The following NFATC2 variants were observed in gnomAD, a reference collection of about 807,000 sequenced individuals.
NFATC2 encodes nuclear factor of activated T-cells, cytoplasmic 2.
In NFATC2, 22 loss-of-function variants were observed where a neutral mutation model predicts 87.3. That is an observed-to-expected ratio of 0.25 (90% CI 0.18 to 0.36). NFATC2 has a LOEUF of 0.36. Ranked by LOEUF, NFATC2 falls within the 10% of genes least tolerant of loss-of-function variation. The probability of loss-of-function intolerance (pLI) is 1.00; values close to 1 mark genes in which losing one functional copy is unlikely to be tolerated. For missense variants in NFATC2, 1,149 were observed against 1,259.1 expected (o/e 0.91, Z 1.32); for synonymous variants, 565 against 542.2 (o/e 1.04, Z -0.58).
intron 9 of NFATC2, among the ~76,000 whole-genome samples, chr20:51,411,656 T>A (rs1356456339): frequency 6.6e-6 from 1 of 151,182 alleles, no homozygotes; most frequent in Non-Finnish European, 1.5e-5. Flanking sequence ...GCCTCCTGAG[T>A]AGCTGGGATT....
chr20:51,481,746 C>G (rs955205062), intron 3 of NFATC2, among the ~76,000 whole-genome samples: 8 of 152,062 alleles, frequency 5.3e-5, no homozygotes, highest in Admixed American at 4.6e-4. Context: ...GTCCCCTTGT[C>G]AACTCAGCTA....
intron 1 of NFATC2, among the ~76,000 whole-genome samples, chr20:51,539,924 G>A (rs2146795166): frequency 6.6e-6 from 1 of 152,342 alleles, no homozygotes; most frequent in South Asian, 2.1e-4. Context: ...ATGTAGTAAT[G>A]CCTTCCAAAG....
chr20:51,513,956 G>A (rs756586634), intron 3 of NFATC2, among the ~76,000 whole-genome samples: 8 of 152,212 alleles, frequency 5.3e-5, no homozygotes, highest in Non-Finnish European at 1.0e-4. Flanking sequence ...TGCAAATAGA[G>A]CTTGCGGTAT....
chr20:51,541,329 TGGCTG>T (rs978345275), intron 1 of NFATC2, among the ~76,000 whole-genome samples: 9 of 151,982 alleles, frequency 5.9e-5, no homozygotes, highest in African/African-American at 1.4e-4. Context: ...CAACAAGCAT[TGGCTG>T]GGCTGGGCTG....
rs923458344 is a variant in NFATC2 at position 51,390,401 on chromosome 20, C to T, written c.*1095G>A. ...GTTTTACTTAACAAAAATACCCACA[C>T]TTCTTTTCTTGGTTGCTTTAGCCCT... On this transcript the variant is annotated 3_prime_UTR_variant, in exon 11 of 11. Coordinates refer to ENST00000371564, the MANE Select transcript of NFATC2 (RefSeq NM_012340.5). The T allele has an allele frequency of 6.6e-6, 1 of 152,222 alleles. No homozygotes were observed. The highest frequency in any genetic ancestry group is 1.5e-5 in the Non-Finnish European group (1 of 68,040). 9.4% of individuals were successfully genotyped at this position (152,222 alleles called of 1,614,324 possible). A position where few individuals can be genotyped will look rare whatever the true frequency, so the allele number is the denominator to read the frequency against.
At chr20:51,442,772 GA>G in intron 6 of NFATC2, among the ~76,000 whole-genome samples, 1 of 150,946 alleles carries the variant, frequency 6.6e-6, no homozygotes, top group Admixed American at 6.6e-5. Context: ...TGTCTCTTGG[GA>G]GCCCTCCGGG....
intron 5 of NFATC2, among the ~76,000 whole-genome samples, chr20:51,455,930 G>A (rs1986447078): frequency 2.4e-5 from 1 of 42,240 alleles, no homozygotes; most frequent in Non-Finnish European, 5.3e-5. Context: ...GTGGATGGGT[G>A]GGTGGGTAGA....
At chr20:51,453,069 C>T (rs1296006201) in intron 6 of NFATC2, 1 of 154,718 alleles carries the variant, frequency 6.5e-6, no homozygotes, top group African/African-American at 2.4e-5. Context: ...CTGCATCTCC[C>T]TTCCCCACTG....
At chr20:51,396,146 G>A (rs574308807) in intron 10 of NFATC2, among the ~76,000 whole-genome samples, 13 of 147,968 alleles carry the variant, frequency 8.8e-5, no homozygotes, top group Admixed American at 2.7e-4. Context: ...TGCTTTTTGA[G>A]GGTGGCAATC....
Position 51,422,569 on chromosome 20 carries a change from C to CTTT in NFATC2, c.2722+9495_2722+9497dup, listed in dbSNP as rs5841843. Among the ~76,000 whole-genome samples, 63 of 140,942 alleles carry CTTT rather than the reference C, an allele frequency of 4.5e-4. 1 individual carries two copies. The highest frequency in any genetic ancestry group is 9.0e-4 in the African/African-American group (34 of 37,704). The allele number at this position is 140,942 out of a possible 152,430, so 92.5% of individuals were successfully genotyped here. ...ATCATTCCCCAGGAAGAAAACCCCT[C>CTTT]TTTTTTTTTTTTTTTTCTGAAAGGG... On this transcript the variant is annotated intron_variant, in intron 9 of 10. Transcript: ENST00000371564.
At chr20:51,439,665 G>A (rs1984051809) in intron 6 of NFATC2, among the ~76,000 whole-genome samples, 1 of 152,172 alleles carries the variant, frequency 6.6e-6, no homozygotes, top group Non-Finnish European at 1.5e-5. Context: ...TCCACAACAC[G>A]CTGACTGGAA....
chr20:51,523,652 C>T lies in NFATC2; in HGVS notation c.589G>A (p.Gly197Arg). 2 of 1,613,824 alleles carry T rather than the reference C, an allele frequency of 1.2e-6. No individual in the cohort carries two copies. Among genetic ancestry groups the T allele is most frequent in the Middle Eastern group, 1.7e-4 (1 of 6,056 alleles). Residue 197 changes from glycine to arginine, a missense_variant, in exon 2 of 11, where the codon GGG becomes AGG. This residue lies in a region of NFATC2 where 563 missense variants were observed against 585.2 expected (regional missense o/e 0.96). Transcript: ENST00000371564. The surrounding 1 kb of genome is among the most constrained non-coding windows in gnomAD (Gnocchi z 6.9). The part of the protein sequence containing the change: ...TSPCVSPNNG[G>R]PDDLCPQFQN... ...AACTGCGGACACAGGTCGTCGGGCC[C>T]GCCGTTATTGGGCGAGACGCAGGGC...
intron 1 of NFATC2, among the ~76,000 whole-genome samples, chr20:51,553,631 A>G (rs970908411): frequency 2.1e-5 from 3 of 143,872 alleles, no homozygotes; most frequent in Admixed American, 7.3e-5. Flanking sequence ...AGCCGAGATC[A>G]TGCCACTGCA....
intron 3 of NFATC2, among the ~76,000 whole-genome samples, chr20:51,484,476 C>A (rs1484480261): frequency 6.6e-6 from 1 of 152,236 alleles, no homozygotes; most frequent in Non-Finnish European, 1.5e-5. Flanking sequence ...GGCAGCACCC[C>A]ATCTTTCCTG....
rs776389751 is a variant in NFATC2, at chr20:51,542,422, G to T, written c.78C>A (p.Asp26Glu). Residue 26 changes from aspartate (D) to glutamate (E), a missense_variant, in exon 1 of 11, where the codon GAC (aspartate) becomes GAA (glutamate). Physicochemically the swap from Asp to Glu is conservative, Grantham distance 45. Coordinates refer to ENST00000371564, the MANE Select transcript of NFATC2 (RefSeq NM_012340.5). ...PGHEPGGSPQ[D>E]ELDFSILFDY... ...CGAAGAGGATGGAGAAGTCAAGCTC[G>T]TCTTGGGGGCTGCCCCCAGGCTCGT... The T allele has an allele frequency of 1.9e-6, 3 of 1,603,286 alleles. No homozygotes were observed. The South Asian group carries it at 3.3e-5, about 18-fold the overall frequency.
intron 10 of NFATC2, among the ~76,000 whole-genome samples, chr20:51,396,704 C>A (rs975202148): frequency 4.6e-5 from 7 of 152,230 alleles, no homozygotes; most frequent in Non-Finnish European, 1.5e-5. Context: ...CACCACCCCC[C>A]AGTCACTACT....
chr20:51,558,564 C>T (rs1373802583), intron 1 of NFATC2, among the ~76,000 whole-genome samples: 2 of 151,838 alleles, frequency 1.3e-5, no homozygotes, highest in African/African-American at 2.4e-5. Context: ...GGGTACCTTC[C>T]GGATTATATT....
chr20:51,506,635 C>A (rs1247474116), intron 3 of NFATC2, among the ~76,000 whole-genome samples: 3 of 152,134 alleles, frequency 2.0e-5, no homozygotes, highest in Non-Finnish European at 4.4e-5. Context: ...AGGTCTTGGC[C>A]TCCACACCCA....
At chr20:51,452,127 C>G (rs1349714935) in intron 6 of NFATC2, among the ~76,000 whole-genome samples, 1 of 152,140 alleles carries the variant, frequency 6.6e-6, no homozygotes, top group African/African-American at 2.4e-5. Flanking sequence ...TCTGATCCCT[C>G]AAGCAACGCT....
Sources: gnomAD v4.1 joint callset for allele counts (sites outside exome capture counted in the v4.1 genomes callset) on GRCh38, gnomAD v4.1.1 for gene constraint, gnomAD v4.1.1 regional missense constraint, Gnocchi (gnomAD v3.1) non-coding constraint, MANE v1.5 for transcripts, NCBI Gene and HGNC (gene_info 2026-07-23, HGNC 2026-07-21) for gene names.